SHPRH: variants seen among roughly 807,000 people sequenced by gnomAD.
The protein encoded by SHPRH is E3 ubiquitin-protein ligase SHPRH.
In SHPRH, 106 loss-of-function variants were observed where a neutral mutation model predicts 202.5. The ratio of observed to expected loss-of-function variants is 0.52; its 90% CI spans 0.45 to 0.62. The LOEUF (loss-of-function observed/expected upper bound fraction) is 0.62, where lower values mean the gene tolerates loss of function less well. Ranked by LOEUF, SHPRH falls within the 20% of genes least tolerant of loss-of-function variation. SHPRH has a pLI of 0.00. For synonymous variants in SHPRH, 729 were observed against 686.0 expected, an observed-to-expected ratio of 1.06 and a Z score of -0.98; for missense variants, 1,710 against 2,020.0, an observed-to-expected ratio of 0.85 and a Z score of 2.94.
chr6:145,883,125 T>C (rs1284437189), downstream of SHPRH: 2 of 152,190 alleles, frequency 1.3e-5, no homozygotes, highest in East Asian at 1.9e-4. Flanking sequence ...GAAAAAGTTA[T>C]TAATTTTAGT....
In SHPRH at chr6:145,951,279, T is replaced by C. The variant is rs1787948570; in HGVS notation, c.764-797A>G. Among the ~76,000 whole-genome samples the C allele has an allele frequency of 2.0e-5, 3 of 152,124 alleles. No homozygotes were observed. In the South Asian group the frequency reaches 6.2e-4, roughly 31 times the overall value. On this transcript the variant is annotated intron_variant, in intron 3 of 29. Coordinates refer to ENST00000275233, the MANE Select transcript of SHPRH (RefSeq NM_001042683.3). ...ACATAATTCTTTCAAGGTGAAAAAG[T>C]ATATCATTTATTTCTGAATTGCTTT... is the stretch of plus-strand genomic sequence containing the variant.
intron 28 of SHPRH, among the ~76,000 whole-genome samples, chr6:145,892,744 A>G (rs991917272): frequency 6.6e-6 from 1 of 152,060 alleles, no homozygotes; most frequent in African/African-American, 2.4e-5. Flanking sequence ...CTTGGAGCTG[A>G]CCTAGGGGGT....
chr6:145,922,095 A>AG (rs999582993), intron 20 of SHPRH, among the ~76,000 whole-genome samples, 191 bp downstream of exon 20: 1 of 152,040 alleles, frequency 6.6e-6, no homozygotes, highest in African/African-American at 2.4e-5. Context: ...ATGAACATTT[A>AG]GGGGATAACT....
At chr6:145,918,741 T>C (rs1393370422) in intron 22 of SHPRH, 1 of 152,554 alleles carries the variant, frequency 6.6e-6, no homozygotes, top group African/African-American at 2.4e-5. Flanking sequence ...ATATAATGAA[T>C]ATATCTACAT....
intron 7 of SHPRH, 164 bp from the exon 8 acceptor site, chr6:145,945,801 C>A (rs777272392): frequency 7.2e-4 from 468 of 654,418 alleles, no homozygotes; most frequent in South Asian, 1.9e-3. Context: ...AAAAATGTAT[C>A]TCAGCATATT....
intron 11 of SHPRH, among the ~76,000 whole-genome samples, chr6:145,939,512 AT>A (rs1407289712): frequency 6.6e-6 from 1 of 152,126 alleles, no homozygotes; most frequent in African/African-American, 2.4e-5. Flanking sequence ...GAACTAAGAA[AT>A]TATTGCTCAT....
chr6:145,938,371 A>T (rs940959754), intron 11 of SHPRH, among the ~76,000 whole-genome samples: 3 of 152,124 alleles, frequency 2.0e-5, no homozygotes, highest in Non-Finnish European at 4.4e-5. Flanking sequence ...TAGAATTGCG[A>T]GTTAAACAGA....
At chr6:145,868,177 TC>T (rs1779889292) in intron 2 of SHPRH, among the ~76,000 whole-genome samples, 1 of 152,168 alleles carries the variant, frequency 6.6e-6, no homozygotes, top group Non-Finnish European at 1.5e-5. Flanking sequence ...TGTCCAAAGC[TC>T]CTCTTCTTGT....
intron 14 of SHPRH, among the ~76,000 whole-genome samples, chr6:145,928,170 C>T (rs1392886516): frequency 1.3e-5 from 2 of 151,932 alleles, no homozygotes; most frequent in African/African-American, 4.8e-5. Flanking sequence ...AACAGCCAAG[C>T]TGATAGTTGC....
chr6:145,908,019 G>T, intron 25 of SHPRH: 1 of 152,032 alleles, frequency 6.6e-6, no homozygotes, highest in Non-Finnish European at 1.5e-5. Flanking sequence ...ACATGTGGTG[G>T]TTTTTTGTTC....
chr6:145,865,436 T>A (rs1243564833), intron 2 of SHPRH, among the ~76,000 whole-genome samples: 1 of 152,220 alleles, frequency 6.6e-6, no homozygotes, highest in Non-Finnish European at 1.5e-5. Flanking sequence ...ACTGCCAGCC[T>A]CCAGAACTGT....
rs762906340 is a variant in SHPRH, at chr6:145,941,732, C to T, written c.2381G>A (p.Arg794His). The T allele has an allele frequency of 6.2e-6, 10 of 1,613,972 alleles. No homozygotes were observed. The Admixed American group carries it at 1.0e-4, about 16-fold the overall frequency. The change falls in exon 10 of 30, where the codon CGC becomes CAC. Residue 794 changes from arginine (R) to histidine (H), a missense_variant. Coordinates refer to ENST00000275233, the MANE Select transcript of SHPRH (RefSeq NM_001042683.3). Reference protein sequence around the residue: ...IPHSNSEDGRRLRNQKRYMAI... With the variant: ...IPHSNSEDGRHLRNQKRYMAI... Reference sequence around the variant, plus strand: ...CATATAGCGCTTCTGGTTCCGTAGGCGACGCCCATCCTCACTATTGCTATG... The same window carrying T: ...CATATAGCGCTTCTGGTTCCGTAGGTGACGCCCATCCTCACTATTGCTATG...
At chr6:145,926,764 G>C (rs145669543) in intron 15 of SHPRH, among the ~76,000 whole-genome samples, 1 of 151,978 alleles carries the variant, frequency 6.6e-6, no homozygotes, top group South Asian at 2.1e-4. Flanking sequence ...AGAAATAAGT[G>C]TTATAATTAA....
At chr6:145,909,686 T>G (rs1237662163) in intron 25 of SHPRH, 4 of 152,150 alleles carry the variant, frequency 2.6e-5, no homozygotes, top group African/African-American at 9.6e-5. Flanking sequence ...CCCATCATTC[T>G]CTAATTCTCA....
chr6:145,861,368 T>C (rs1214243703), downstream of SHPRH, among the ~76,000 whole-genome samples: 1 of 151,726 alleles, frequency 6.6e-6, no homozygotes, highest in Non-Finnish European at 1.5e-5. Context: ...TAGTCATTAG[T>C]GAAATGTAAA....
chr6:145,933,010 C>T (rs750483848), intron 14 of SHPRH, 47 bp downstream of exon 14: 1 of 1,581,884 alleles, frequency 6.3e-7, no homozygotes, highest in South Asian at 1.1e-5. Flanking sequence ...ATTAACCTTC[C>T]TCAGGAAGTG....
At chr6:145,924,101 T>A (rs1218255888) in intron 17 of SHPRH, among the ~76,000 whole-genome samples, 1 of 151,978 alleles carries the variant, frequency 6.6e-6, no homozygotes, top group Non-Finnish European at 1.5e-5. Context: ...AATCTATATG[T>A]GTGAAAAGGT....
intron 1 of SHPRH, among the ~76,000 whole-genome samples, chr6:145,962,356 G>A (rs1423032994): frequency 6.6e-6 from 1 of 152,160 alleles, no homozygotes; most frequent in Non-Finnish European, 1.5e-5. Context: ...CTCTAATTCC[G>A]TGGATGTATT....
At chr6:145,945,356 T>C (rs1787255760) in intron 8 of SHPRH, 25 bp downstream of exon 8, 6 of 1,592,134 alleles carry the variant, frequency 3.8e-6, no homozygotes, top group Middle Eastern at 3.4e-4. Context: ...GTACTTAATA[T>C]AGAGCTGAAC....
Sources: allele counts gnomAD v4.1 joint callset (sites outside exome capture counted in the v4.1 genomes callset), GRCh38; gene constraint gnomAD v4.1.1; transcripts MANE v1.5; gene names NCBI Gene and HGNC (gene_info 2026-07-23, HGNC 2026-07-21).